MTA1: variants seen among roughly 807,000 people sequenced by gnomAD.
MTA1 encodes the protein metastasis-associated protein MTA1.
MTA1 carries 15 observed loss-of-function variants against 97.0 expected under a neutral mutation model. The observed-to-expected ratio is 0.15, with a 90% confidence interval of 0.10 to 0.24. The LOEUF (loss-of-function observed/expected upper bound fraction) is 0.24, where lower values mean the gene tolerates loss of function less well. MTA1 is among the 10% of genes least tolerant of loss of function. The pLI is 1.00. For missense variants in MTA1, 709 were observed against 1,015.1 expected (o/e 0.70, Z 4.10); for synonymous variants, 435 against 417.5 (o/e 1.04, Z -0.51).
chr14:105,425,503 C>T (rs1003583961), intron 1 of MTA1, among the ~76,000 whole-genome samples: 3 of 152,076 alleles, frequency 2.0e-5, no homozygotes, highest in South Asian at 2.1e-4. Flanking sequence ...CTCGAACTCC[C>T]GTCCTCAAGC....
intron 6 of MTA1, among the ~76,000 whole-genome samples, chr14:105,453,059 G>C (rs1353087770): frequency 2.6e-5 from 4 of 152,262 alleles, no homozygotes; most frequent in Admixed American, 2.0e-4. Flanking sequence ...AAAATCATCA[G>C]AACCAGCCCA....
intron 2 of MTA1, among the ~76,000 whole-genome samples, chr14:105,443,182 C>G (rs1326256511): frequency 2.6e-5 from 4 of 152,098 alleles, no homozygotes; most frequent in Non-Finnish European, 5.9e-5. Context: ...GCAGGAGGGT[C>G]AGGCCACATT....
intron 1 of MTA1, among the ~76,000 whole-genome samples, chr14:105,421,778 G>C (rs782008507): frequency 2.6e-5 from 4 of 152,214 alleles, no homozygotes; most frequent in African/African-American, 4.8e-5. Context: ...TCCCATCCCG[G>C]AGGTGCAGCT....
chr14:105,432,950 G>A (rs782068085), intron 1 of MTA1, among the ~76,000 whole-genome samples: 6 of 152,162 alleles, frequency 3.9e-5, no homozygotes, highest in Non-Finnish European at 7.3e-5. Flanking sequence ...GTGTTAGGGA[G>A]CTCCCGCCTG....
chr14:105,460,674 G>A, intron 9 of MTA1, 91 bp from the exon 10 acceptor site: 15 of 1,374,762 alleles, frequency 1.1e-5, no homozygotes, highest in Non-Finnish European at 1.5e-5. Context: ...CTGCAGTAGG[G>A]GATCCTTGAG....
chr14:105,421,096 C>T (rs1237807941), intron 1 of MTA1, among the ~76,000 whole-genome samples: 2 of 150,508 alleles, frequency 1.3e-5, no homozygotes, highest in Non-Finnish European at 3.0e-5. Context: ...GCCGGCCAGT[C>T]CTGTGACCTT....
chr14:105,470,238 C>T lies in MTA1; in HGVS notation c.*23C>T. 3 of 1,480,534 alleles carry T rather than the reference C, an allele frequency of 2.0e-6. No individual in the cohort carries two copies. Among genetic ancestry groups the T allele is most frequent in the Non-Finnish European group, 2.7e-6 (3 of 1,120,780 alleles). 91.7% of individuals were successfully genotyped at this position (1,480,534 alleles called of 1,614,324 possible). A position where few individuals can be genotyped will look rare whatever the true frequency, so the allele number is the denominator to read the frequency against. Reference sequence around the variant, plus strand: ...TAGGGGCCGCCCCCACCTGCGGCCGCCCCCCGCCCCTCGCCCGCCCACACG... The same window carrying T: ...TAGGGGCCGCCCCCACCTGCGGCCGTCCCCCGCCCCTCGCCCGCCCACACG... On this transcript the variant is annotated 3_prime_UTR_variant, in exon 21 of 21. Transcript: ENST00000331320.
At chr14:105,450,506 C>T (rs1004589115) in intron 6 of MTA1, among the ~76,000 whole-genome samples, 182 bp downstream of exon 6, 7 of 152,204 alleles carry the variant, frequency 4.6e-5, no homozygotes, top group African/African-American at 9.6e-5. Context: ...GGTGTGTGGC[C>T]GCCCCCACCC....
At chr14:105,443,091 C>T (rs2082598086) in intron 2 of MTA1, among the ~76,000 whole-genome samples, 1 of 152,140 alleles carries the variant, frequency 6.6e-6, no homozygotes, top group Non-Finnish European at 1.5e-5. Context: ...GTGGATGTAA[C>T]CCCACTGCGG....
chr14:105,456,468 A>AC (rs1468310970), intron 7 of MTA1, among the ~76,000 whole-genome samples: 1 of 152,060 alleles, frequency 6.6e-6, no homozygotes, highest in Admixed American at 6.5e-5. Context: ...TCCTCTCCCC[A>AC]CGCTGCCTTC....
chr14:105,449,103 AG>A (rs1485883553), intron 3 of MTA1: 11 of 483,282 alleles, frequency 2.3e-5, no homozygotes, highest in Admixed American at 3.8e-5. Flanking sequence ...GCCTCTGGAC[AG>A]GGGCCCTCCA....
intron 3 of MTA1, among the ~76,000 whole-genome samples, chr14:105,446,381 G>A (rs1555427170): frequency 6.6e-6 from 1 of 152,228 alleles, no homozygotes; most frequent in Non-Finnish European, 1.5e-5. Flanking sequence ...GGTGAGGCAT[G>A]TGACTGCCCG....
At chr14:105,435,372 A>G (rs587709587) in intron 1 of MTA1, among the ~76,000 whole-genome samples, 1 of 152,270 alleles carries the variant, frequency 6.6e-6, no homozygotes, top group Non-Finnish European at 1.5e-5. Flanking sequence ...TGCAGCCCCA[A>G]ACTCCTGGGC....
At position 105,463,948 on chromosome 14, in the gene MTA1, G is replaced by T; in HGVS notation, c.1077-84G>T. On this transcript the variant is annotated intron_variant, in intron 12 of 20. Transcript: ENST00000331320. This position sits in a 1 kb window ranked among gnomAD's most constrained non-coding sequence, Gnocchi z 5.9. ...AGGACGTGGTTCTGGACAAGGGGTG[G>T]TCAGCCGCGGTGCCTGCTGGGCACA... is the stretch of plus-strand genomic sequence containing the variant. 1 of 1,339,342 alleles carries T rather than the reference G, an allele frequency of 7.5e-7. No homozygotes were observed. The highest frequency in any genetic ancestry group is 1.1e-6 in the Non-Finnish European group (1 of 934,794). The allele number at this position is 1,339,342 out of a possible 1,614,324, so 83.0% of individuals were successfully genotyped here.
rs114568134 is a variant in MTA1 at position 105,434,255 on chromosome 14, G to A, written c.29-4417G>A. Among the ~76,000 whole-genome samples the A allele has an allele frequency of 2.6e-3, 403 of 152,272 alleles. 2 individuals are homozygous for A. Among genetic ancestry groups the A allele is most frequent in the African/African-American group, 9.4e-3 (391 of 41,546 alleles). ...ACCTTTATAGGAAGCTCACCAACATGTATTTTAACCCTTGACACCTTATCT... is the reference window on the plus strand; with the variant it reads ...ACCTTTATAGGAAGCTCACCAACATATATTTTAACCCTTGACACCTTATCT... On this transcript the variant is annotated intron_variant, in intron 1 of 20. Transcript: ENST00000331320.
rs1377501289 is a variant in MTA1, at chr14:105,449,128, C to G, written c.191-231C>G. 46 of 512,552 alleles carry G rather than the reference C, an allele frequency of 9.0e-5. 1 individual carries two copies. In the Admixed American group the frequency reaches 1.6e-3, roughly 17 times the overall value. The allele number at this position is 512,552 out of a possible 1,614,324, so 31.8% of individuals were successfully genotyped here. On this transcript the variant is annotated intron_variant, in intron 3 of 20. Transcript: ENST00000331320. ...AGGGGCCCTCCACAGCCAGGCTTGT[C>G]TGGGCTCTTCCCAAAGAGGCTTGGC... is the stretch of plus-strand genomic sequence containing the variant.
At chr14:105,466,617 G>A (rs782085544) in intron 17 of MTA1, 39 bp downstream of exon 17, 15 of 1,568,420 alleles carry the variant, frequency 9.6e-6, no homozygotes, top group East Asian at 2.3e-5. Flanking sequence ...GGCCCTCCCC[G>A]CCCGGTGAGT....
chr14:105,468,158 T>A, intron 18 of MTA1: 1 of 461,632 alleles, frequency 2.2e-6, no homozygotes, highest in South Asian at 1.7e-5. Context: ...TGGGTAGGCA[T>A]GAGCTGAGCT....
At chr14:105,457,302 G>A (rs912409171) in intron 7 of MTA1, among the ~76,000 whole-genome samples, 2 of 152,250 alleles carry the variant, frequency 1.3e-5, no homozygotes, top group African/African-American at 4.8e-5. Flanking sequence ...CCACGGTCTT[G>A]TTTTTTGGCG....
Sources: allele counts gnomAD v4.1 joint callset (sites outside exome capture counted in the v4.1 genomes callset), GRCh38; gene constraint gnomAD v4.1.1; non-coding constraint Gnocchi (gnomAD v3.1); transcripts MANE v1.5; gene names NCBI Gene and HGNC (gene_info 2026-07-23, HGNC 2026-07-21).